Variants in RNF6 observed in about 807,000 individuals in gnomAD.
The protein encoded by RNF6 is ring finger protein 6.
Under a neutral mutation model 50.1 loss-of-function variants are expected in RNF6, and 21 were observed. The observed-to-expected ratio is 0.42, with a 90% CI of 0.30 to 0.60. The LOEUF is 0.60. Ranked by LOEUF, RNF6 falls within the 20% of genes least tolerant of loss-of-function variation. The pLI, the probability that RNF6 is intolerant of heterozygous loss-of-function variation, is 0.20. For missense variants in RNF6, 698 were observed against 838.2 expected, an observed-to-expected ratio of 0.83 and a Z score of 2.07; for synonymous variants, 255 against 291.8, an observed-to-expected ratio of 0.87 and a Z score of 1.29.
At chr13:26,153,266 T>G (rs1871727963) in intron 5 of RNF6, among the ~76,000 whole-genome samples, 1 of 152,040 alleles carries the variant, frequency 6.6e-6, no homozygotes. Flanking sequence ...CAGGCTGGAG[T>G]GCAGTGGAGT....
intron 5 of RNF6, among the ~76,000 whole-genome samples, chr13:26,159,218 A>C (rs892614470): frequency 5.3e-5 from 8 of 152,220 alleles, no homozygotes; most frequent in Non-Finnish European, 8.8e-5. Flanking sequence ...TTTGAGCCAA[A>C]ATGTTCACAA....
chr13:26,165,946 T>C (rs1473770487), intron 5 of RNF6, among the ~76,000 whole-genome samples: 1 of 152,056 alleles, frequency 6.6e-6, no homozygotes, highest in African/African-American at 2.4e-5. Context: ...GAAGGCATGA[T>C]TGGTTTTGAA....
intron 5 of RNF6, among the ~76,000 whole-genome samples, chr13:26,188,079 T>C (rs1873641958): frequency 6.6e-6 from 1 of 152,214 alleles, no homozygotes; most frequent in Non-Finnish European, 1.5e-5. Context: ...CCTAATAGTC[T>C]AGGAATTCTA....
At chr13:26,188,784 C>CA (rs1873680352) in intron 5 of RNF6, among the ~76,000 whole-genome samples, 1 of 151,716 alleles carries the variant, frequency 6.6e-6, no homozygotes, top group African/African-American at 2.4e-5. Flanking sequence ...CACATGCCAC[C>CA]ATGCCCGGTT....
At chr13:26,184,727 C>A (rs1224521713) in intron 5 of RNF6, among the ~76,000 whole-genome samples, 3 of 152,164 alleles carry the variant, frequency 2.0e-5, no homozygotes. Flanking sequence ...CCTTTTAAAG[C>A]TGTTCTGGCT....
At chr13:26,182,515 TTAACAAAGAATC>T (rs1271832399) in intron 5 of RNF6, among the ~76,000 whole-genome samples, 2 of 152,244 alleles carry the variant, frequency 1.3e-5, no homozygotes, top group Non-Finnish European at 2.9e-5. Flanking sequence ...CCATTTGTAA[TTAACAAAGAATC>T]TGTGGCTGGG....
chr13:26,160,160 A>G (rs1249672940), intron 5 of RNF6, among the ~76,000 whole-genome samples: 1 of 152,188 alleles, frequency 6.6e-6, no homozygotes, highest in Non-Finnish European at 1.5e-5. Flanking sequence ...AGTAAGTGAT[A>G]ATATTAAACA....
chr13:26,214,318 T>C lies in RNF6; in HGVS notation c.1564A>G (p.Asn522Asp), dbSNP rs1869591327. 2 of 1,614,176 alleles carry C rather than the reference T, an allele frequency of 1.2e-6. No individual in the cohort carries two copies. The highest frequency in any genetic ancestry group is 8.5e-7 in the Non-Finnish European group (1 of 1,180,026). Reference protein sequence around the residue: ...HLPDMHSELSNLGTDNNRSQH... With the variant: ...HLPDMHSELSDLGTDNNRSQH... ...CTCCTGTTGTTATCTGTACCTAAGT[T>C]ACTCAGTTCTGAGTGCATGTCTGGT... The change falls in exon 5 of 5, where the codon AAC becomes GAC. Residue 522 changes from asparagine (N) to aspartate (D), a missense_variant. By Grantham distance (23) the Asn-to-Asp change is conservative (BLOSUM62 1). Coordinates refer to ENST00000381588, the MANE Select transcript of RNF6 (RefSeq NM_005977.4).
chr13:26,179,458 C>T (rs1421183450), intron 5 of RNF6, among the ~76,000 whole-genome samples: 1 of 152,178 alleles, frequency 6.6e-6, no homozygotes, highest in African/African-American at 2.4e-5. Context: ...ACTCTGGGTT[C>T]TGTATCCCAG....
At chr13:26,215,619 G>A (rs1869799015) in intron 4 of RNF6, 27 bp from the exon 5 acceptor site, 2 of 1,558,010 alleles carry the variant, frequency 1.3e-6, no homozygotes, top group Non-Finnish European at 1.7e-6. Context: ...ATCAACTTAA[G>A]ATCAATTCCT....
intron 5 of RNF6, among the ~76,000 whole-genome samples, chr13:26,134,169 A>G (rs1870531815): frequency 6.6e-6 from 1 of 152,228 alleles, no homozygotes; most frequent in African/African-American, 2.4e-5. Flanking sequence ...CCTGGCATGA[A>G]GGAATTGGAA....
intron 5 of RNF6, among the ~76,000 whole-genome samples, chr13:26,161,574 T>C (rs1872217178): frequency 6.6e-6 from 1 of 152,232 alleles, no homozygotes; most frequent in South Asian, 2.1e-4. Flanking sequence ...CCTTTGTTAC[T>C]ATTGCAAATA....
chr13:26,140,070 C>T (rs111347479), intron 5 of RNF6, among the ~76,000 whole-genome samples: 2,455 of 152,260 alleles, frequency 0.016, 71 homozygotes, highest in African/African-American at 0.056. Context: ...TACAAACTTG[C>T]TAATCTCTTT....
intron 5 of RNF6, among the ~76,000 whole-genome samples, chr13:26,187,298 C>T (rs1209982802): frequency 6.6e-6 from 1 of 151,744 alleles, no homozygotes; most frequent in African/African-American, 2.4e-5. Context: ...AAAATTAAGC[C>T]GGCACAAGAA....
chr13:26,148,976 C>T (rs1179354505), intron 5 of RNF6, among the ~76,000 whole-genome samples: 1 of 151,788 alleles, frequency 6.6e-6, no homozygotes, highest in Non-Finnish European at 1.5e-5. Context: ...TTTATCTATT[C>T]AGGCCTGTAA....
chr13:26,184,018 A>ATATTTTTT (rs1335766541), intron 5 of RNF6, among the ~76,000 whole-genome samples: 2 of 33,942 alleles, frequency 5.9e-5, no homozygotes, highest in African/African-American at 1.9e-4. Flanking sequence ...ATATATATAT[A>ATATTTTTT]TTTTTTTTTT....
At chr13:26,182,348 A>G (rs1462124519) in intron 5 of RNF6, among the ~76,000 whole-genome samples, 3 of 152,280 alleles carry the variant, frequency 2.0e-5, no homozygotes, top group African/African-American at 4.8e-5. Flanking sequence ...TGCTTCCTCA[A>G]ATTAAATTTG....
intron 5 of RNF6, among the ~76,000 whole-genome samples, chr13:26,145,780 G>A (rs570109518): frequency 6.6e-6 from 1 of 152,316 alleles, no homozygotes; most frequent in East Asian, 1.9e-4. Context: ...AGGATTGCAG[G>A]ATTGCTTTTG....
At chr13:26,165,696 C>T (rs1454841797) in intron 5 of RNF6, among the ~76,000 whole-genome samples, 5 of 152,210 alleles carry the variant, frequency 3.3e-5, no homozygotes, top group Non-Finnish European at 7.3e-5. Flanking sequence ...GATTTGACTG[C>T]CCTGCTGGAT....
Sources: allele counts gnomAD v4.1 joint callset (sites outside exome capture counted in the v4.1 genomes callset), GRCh38; gene constraint gnomAD v4.1.1; transcripts MANE v1.5; gene names NCBI Gene and HGNC (gene_info 2026-07-23, HGNC 2026-07-21).